The following TPO variants were observed in gnomAD, a reference collection of about 807,000 sequenced individuals.
TPO encodes thyroid microsomal antigen.
Under a neutral mutation model 96.9 loss-of-function variants are expected in TPO, and 78 were observed. The observed-to-expected ratio is 0.81, with a 90% CI of 0.67 to 0.97. The LOEUF (loss-of-function observed/expected upper bound fraction) is 0.97, where lower values mean the gene tolerates loss of function less well. TPO is among the 50% of genes least tolerant of loss of function. The probability of loss-of-function intolerance (pLI) is 0.00; values close to 1 mark genes in which losing one functional copy is unlikely to be tolerated. For synonymous variants in TPO, 547 were observed against 538.0 expected (o/e 1.02, Z -0.23); for missense variants, 1,252 against 1,274.8 (o/e 0.98, Z 0.27).
chr2:1,523,734 A>C (rs1394476161), intron 15 of TPO, among the ~76,000 whole-genome samples: 1 of 35,442 alleles, frequency 2.8e-5, no homozygotes, highest in African/African-American at 1.3e-4. Flanking sequence ...CAGGTCCCCC[A>C]CTGTGTGCAA....
upstream of TPO, among the ~76,000 whole-genome samples, chr2:1,408,472 T>G (rs11686524): frequency 0.57 from 86,543 of 152,010 alleles, 24,916 homozygotes; most frequent in Admixed American, 0.66. Context: ...TGAATCCTGG[T>G]TCAGTGAGCT....
chr2:1,397,669 G>T (rs775841988), intron 1 of TPO, among the ~76,000 whole-genome samples: 34 of 152,120 alleles, frequency 2.2e-4, no homozygotes, highest in Non-Finnish European at 3.7e-4. Context: ...CTGCATCTCT[G>T]GTCCTTGTTG....
intron 12 of TPO, 77 bp from the exon 13 acceptor site, chr2:1,496,518 A>G: frequency 6.3e-7 from 1 of 1,599,064 alleles, no homozygotes; most frequent in Non-Finnish European, 8.5e-7. Flanking sequence ...GCACAAGCGC[A>G]CCCGTGACAG....
chr2:1,435,782 G>A (rs1047896223), intron 4 of TPO, among the ~76,000 whole-genome samples: 5 of 152,262 alleles, frequency 3.3e-5, no homozygotes, highest in South Asian at 4.1e-4. Context: ...ATAGATAAGC[G>A]TACCATCTTC....
At chr2:1,389,758 T>A (rs1282086187) in intron 1 of TPO, among the ~76,000 whole-genome samples, 3 of 152,154 alleles carry the variant, frequency 2.0e-5, no homozygotes, top group African/African-American at 7.2e-5. Flanking sequence ...TTCCAGGAAT[T>A]CTTTCCACCT....
At chr2:1,529,139 C>CT in intron 15 of TPO, among the ~76,000 whole-genome samples, 1 of 112,374 alleles carries the variant, frequency 8.9e-6, no homozygotes, top group African/African-American at 3.7e-5. Context: ...CGAATCCCCC[C>CT]ACTGTGTGCA....
intron 14 of TPO, chr2:1,513,334 C>T (rs866735826): frequency 6.6e-5 from 10 of 152,302 alleles, no homozygotes; most frequent in African/African-American, 2.4e-4. Context: ...TATTTACAGC[C>T]CCTCCTACGA....
intron 3 of TPO, among the ~76,000 whole-genome samples, chr2:1,425,808 ATG>A (rs1664317372): frequency 6.8e-6 from 1 of 148,060 alleles, no homozygotes; most frequent in Non-Finnish European, 1.5e-5. Context: ...TCAGAAGTCT[ATG>A]CTCCTTCTGT....
At chr2:1,415,304 G>A (rs1243431023) in intron 2 of TPO, among the ~76,000 whole-genome samples, 1 of 142,038 alleles carries the variant, frequency 7.0e-6, no homozygotes, top group Non-Finnish European at 1.5e-5. Flanking sequence ...ACCTCACTGG[G>A]CAGGTCCCTG....
intron 1 of TPO, among the ~76,000 whole-genome samples, chr2:1,387,645 G>A (rs945993038): frequency 8.5e-5 from 13 of 152,102 alleles, no homozygotes; most frequent in Admixed American, 2.6e-4. Context: ...ACTTCTTTGC[G>A]ATGGGCTCGA....
chr2:1,480,531 C>T (rs1219509512), intron 8 of TPO, among the ~76,000 whole-genome samples: 1 of 139,604 alleles, frequency 7.2e-6, no homozygotes. Context: ...GAAATAGCAT[C>T]CCCCCCTCTA....
chr2:1,416,925 C>G (rs1663020609), intron 2 of TPO, among the ~76,000 whole-genome samples: 1 of 152,196 alleles, frequency 6.6e-6, no homozygotes, highest in Non-Finnish European at 1.5e-5. Context: ...CAGGCTCCCC[C>G]TGGACCACAC....
In TPO at chr2:1,516,900, C is replaced by T. The variant is rs28913014; in HGVS notation, c.2536C>T (p.Arg846Trp). ...RTCVDSGRLP[R>W]VTWISMSLAA... ...TGCCCCAGACTCCGGGAGGCTCCCT[C>T]GGGTGACTTGGATCTCCATGTCGCT... The change falls in exon 15 of 17, where the codon CGG (arginine) becomes TGG (tryptophan). Residue 846 changes from arginine to tryptophan, a missense_variant. By Grantham distance (101) the Arg-to-Trp change is moderately radical. Transcript: ENST00000329066. 395 of 1,613,976 alleles carry T rather than the reference C, an allele frequency of 2.4e-4. 2 individuals carry two copies. The African/African-American group carries it at 3.3e-3, about 14-fold the overall frequency.
chr2:1,539,671 T>G (rs1680494395), intron 15 of TPO, among the ~76,000 whole-genome samples: 2 of 150,800 alleles, frequency 1.3e-5, no homozygotes, highest in South Asian at 2.1e-4. Context: ...ACCTCGGGAG[T>G]TGTTTGTTTG....
intron 2 of TPO, among the ~76,000 whole-genome samples, chr2:1,416,728 A>G (rs1303251559): frequency 6.6e-6 from 1 of 152,238 alleles, no homozygotes; most frequent in African/African-American, 2.4e-5. Flanking sequence ...GTCTCACAGT[A>G]TTTCTATTTT....
chr2:1,433,385 C>A, intron 3 of TPO, 53 bp from the exon 4 acceptor site: 6 of 1,603,140 alleles, frequency 3.7e-6, no homozygotes, highest in Non-Finnish European at 5.1e-6. Context: ...TAATTAAGTA[C>A]CAAAGATACC....
chr2:1,536,815 T>A (rs1009311822), intron 15 of TPO, among the ~76,000 whole-genome samples: 2 of 35,084 alleles, frequency 5.7e-5, no homozygotes, highest in Non-Finnish European at 6.0e-5. Context: ...CCTCCCCAAA[T>A]CCCCCCCACT....
intron 7 of TPO, among the ~76,000 whole-genome samples, chr2:1,471,974 T>A (rs1479182341): frequency 6.7e-6 from 1 of 149,898 alleles, no homozygotes; most frequent in Non-Finnish European, 1.5e-5. Context: ...ATGATCTGAA[T>A]GTTCATAGCA....
intron 7 of TPO, among the ~76,000 whole-genome samples, chr2:1,474,458 T>C (rs1228972590): frequency 6.6e-6 from 1 of 152,210 alleles, no homozygotes; most frequent in Non-Finnish European, 1.5e-5. Flanking sequence ...GCTGACTCTG[T>C]AGAGTGCACT....
Sources: allele counts gnomAD v4.1 joint callset (sites outside exome capture counted in the v4.1 genomes callset), GRCh38; gene constraint gnomAD v4.1.1; transcripts MANE v1.5; gene names NCBI Gene and HGNC (gene_info 2026-07-23, HGNC 2026-07-21).